Variants in RFFL observed in about 807,000 individuals in gnomAD.
RFFL encodes the protein E3 ubiquitin-protein ligase rififylin.
Under a neutral mutation model 40.4 loss-of-function variants are expected in RFFL, and 16 were observed. The ratio of observed to expected loss-of-function variants is 0.40; its 90% confidence interval spans 0.27 to 0.60. The LOEUF (loss-of-function observed/expected upper bound fraction) is 0.60. Among genes scored for constraint, RFFL ranks in the 20% least tolerant of loss-of-function variants. RFFL has a pLI of 0.47. For synonymous variants in RFFL, 154 were observed against 167.9 expected, an observed-to-expected ratio of 0.92 and a Z score of 0.64; for missense variants, 367 against 451.7, an observed-to-expected ratio of 0.81 and a Z score of 1.70.
At chr17:35,078,161 T>A (rs976307020) in intron 1 of RFFL, among the ~76,000 whole-genome samples, 2 of 152,206 alleles carry the variant, frequency 1.3e-5, no homozygotes, top group Non-Finnish European at 2.9e-5. Flanking sequence ...GAATCTTTAT[T>A]TTTTACAAGC....
At chr17:35,057,533 T>G (rs1461530383) in intron 1 of RFFL, among the ~76,000 whole-genome samples, 1 of 151,422 alleles carries the variant, frequency 6.6e-6, no homozygotes, top group African/African-American at 2.4e-5. Flanking sequence ...GCTTACCAGG[T>G]ATTTGTGAAA....
chr17:35,063,658 T>C lies in RFFL; in HGVS notation c.-91A>G, dbSNP rs769438285. 1.3e-5 allele frequency: 2 copies of C among 152,198 alleles called. No individual in the cohort carries two copies. Among genetic ancestry groups the C allele is most frequent in the African/African-American group, 2.4e-5 (1 of 41,410 alleles). The allele number at this position is 152,198 out of a possible 1,614,324, so 9.4% of individuals were successfully genotyped here. ...TGTGGCTGAGGTCGCTGGAGCCATGTTCAGATGAGATCATCTCAGGAACCA... is the reference window on the plus strand; with the variant it reads ...TGTGGCTGAGGTCGCTGGAGCCATGCTCAGATGAGATCATCTCAGGAACCA... On this transcript the variant is annotated 5_prime_UTR_variant, in exon 1 of 7. Transcript: ENST00000394597.
chr17:35,019,827 A>G (rs1169447311), intron 3 of RFFL, among the ~76,000 whole-genome samples: 2 of 152,250 alleles, frequency 1.3e-5, no homozygotes, highest in East Asian at 3.8e-4. Flanking sequence ...AAAGAATTAA[A>G]GTCCAGCTGC....
At chr17:35,052,405 A>T (rs2091236874) in intron 1 of RFFL, among the ~76,000 whole-genome samples, 1 of 152,236 alleles carries the variant, frequency 6.6e-6, no homozygotes, top group Non-Finnish European at 1.5e-5. Flanking sequence ...GGGGGAACTC[A>T]AGCCACAAAA....
chr17:35,074,448 C>T (rs1319001930), intron 1 of RFFL: 1 of 152,194 alleles, frequency 6.6e-6, no homozygotes, highest in Non-Finnish European at 1.5e-5. Context: ...GTTACTTCTG[C>T]AGCCGACATA....
At chr17:35,075,791 TA>T (rs1369484409) in intron 1 of RFFL, among the ~76,000 whole-genome samples, 1 of 152,130 alleles carries the variant, frequency 6.6e-6, no homozygotes, top group Non-Finnish European at 1.5e-5. Flanking sequence ...AAAAGGCTTC[TA>T]AAAAGCAAAC....
At position 35,058,630 on chromosome 17, in the gene RFFL, G is replaced by T. The variant is rs554435173; in HGVS notation, c.-9+4946C>A. ...TACTAAAAATACAAAAATTAGCCAGGCGTGGTGGCAAGCAACTGTAATCCC... is the reference window on the plus strand; with the variant it reads ...TACTAAAAATACAAAAATTAGCCAGTCGTGGTGGCAAGCAACTGTAATCCC... On this transcript the variant is annotated intron_variant, in intron 1 of 6. Coordinates refer to ENST00000394597, the MANE Select transcript of RFFL (RefSeq NM_001017368.2). Among the ~76,000 whole-genome samples the T allele has an allele frequency of 4.1e-3, 621 of 152,138 alleles. 3 individuals are homozygous for T. Among genetic ancestry groups the T allele is most frequent in the African/African-American group, 0.014 (566 of 41,510 alleles).
At position 35,011,807 on chromosome 17, in the gene RFFL, G is replaced by T. The variant is rs922783313; in HGVS notation, c.*161C>A. On this transcript the variant is annotated 3_prime_UTR_variant, in exon 7 of 7. Coordinates refer to ENST00000394597, the MANE Select transcript of RFFL (RefSeq NM_001017368.2). ...TGCCAGCCAAGAGGTACACCCCTGG[G>T]AAGACAGGCATGCTCAGGGGTGACA... The T allele has an allele frequency of 1.5e-5, 10 of 665,748 alleles. No individual in the cohort carries two copies. The highest frequency in any genetic ancestry group is 2.8e-5 in the Admixed American group (1 of 36,022). 41.2% of individuals were successfully genotyped at this position (665,748 alleles called of 1,614,324 possible).
intron 5 of RFFL, 45 bp downstream of exon 5, chr17:35,016,325 A>G (rs2090972767): frequency 6.4e-7 from 1 of 1,550,944 alleles, no homozygotes; most frequent in South Asian, 1.1e-5. Context: ...AGTGACAGCA[A>G]ACACTCCTGA....
Position 35,021,736 on chromosome 17 carries a change from T to C in RFFL, c.226A>G (p.Ser76Gly), listed in dbSNP as rs1273326094. ...AGGCGGGGCCCATTCCCTACTTGGC[T>C]CGAACAGGTCATGCAAAAATTTTTC... ...CKKNFCMTCSSQVGNGPRLCL... is the reference protein window; with the variant it reads ...CKKNFCMTCSGQVGNGPRLCL... The change falls in exon 3 of 7, where the codon AGC (serine) becomes GGC (glycine). Residue 76 changes from serine to glycine, a missense_variant. Coordinates refer to ENST00000394597, the MANE Select transcript of RFFL (RefSeq NM_001017368.2). 1 of 1,614,086 alleles carries C rather than the reference T, an allele frequency of 6.2e-7. No individual in the cohort carries two copies. Among genetic ancestry groups the C allele is most frequent in the African/African-American group, 1.3e-5 (1 of 74,906 alleles).
intron 1 of RFFL, among the ~76,000 whole-genome samples, chr17:35,056,012 C>T (rs1370902466): frequency 6.6e-6 from 1 of 152,024 alleles, no homozygotes; most frequent in East Asian, 1.9e-4. Context: ...CATTCCAGCC[C>T]ACTCCAAAAT....
chr17:35,039,009 C>T (rs900706312), intron 1 of RFFL, among the ~76,000 whole-genome samples: 5 of 151,484 alleles, frequency 3.3e-5, no homozygotes, highest in African/African-American at 1.2e-4. Context: ...CCCAGGCTTA[C>T]GTGATCCTCC....
At chr17:35,052,505 A>ATCT (rs2091237532) in intron 1 of RFFL, among the ~76,000 whole-genome samples, 1 of 152,170 alleles carries the variant, frequency 6.6e-6, no homozygotes, top group African/African-American at 2.4e-5. Context: ...GGTAAAAAAA[A>ATCT]GGGGGTGGTA....
rs530780830 is a variant in RFFL, at chr17:35,052,384, A to T, written c.-9+11192T>A. On this transcript the variant is annotated intron_variant, in intron 1 of 6. Transcript: ENST00000394597. ...TCACCAGTCAATTCCTATGCTGCTC[A>T]TCTGATTCATGGGGGAACTCAAGCC... Among the ~76,000 whole-genome samples the T allele has an allele frequency of 9.2e-5, 14 of 152,332 alleles. 1 individual carries two copies. Among genetic ancestry groups the T allele is most frequent in the African/African-American group, 3.1e-4 (13 of 41,574 alleles).
At chr17:35,027,724 CAAA>C (rs34594614) in intron 1 of RFFL, among the ~76,000 whole-genome samples, 4 of 90,316 alleles carry the variant, frequency 4.4e-5, no homozygotes, top group Non-Finnish European at 4.0e-5. Context: ...AACTCCGTCT[CAAA>C]AAAAAAAAAA....
intron 1 of RFFL, among the ~76,000 whole-genome samples, chr17:35,079,557 TGAA>T (rs2091394480): frequency 6.6e-6 from 1 of 152,202 alleles, no homozygotes; most frequent in Admixed American, 6.5e-5. Flanking sequence ...AAGAATCTGA[TGAA>T]GATCATCTAG....
At position 35,011,683 on chromosome 17, in the gene RFFL, G is replaced by A. The variant is rs1025342031; in HGVS notation, c.*285C>T. On this transcript the variant is annotated 3_prime_UTR_variant, in exon 7 of 7. Transcript: ENST00000394597. The stretch of plus-strand genomic sequence containing the variant: ...GGGAGGAAGACAGGACCCAAGTTCT[G>A]GAAAGTTCTCTGTTCATCAGTTACC... 6.8e-5 allele frequency: 24 copies of A among 355,178 alleles called. 2 individuals are homozygous for A. The highest frequency in any genetic ancestry group is 1.6e-3 in the Middle Eastern group (2 of 1,276). The allele number at this position is 355,178 out of a possible 1,614,324, so 22.0% of individuals were successfully genotyped here.
chr17:35,084,322 G>A (rs751515785), intron 1 of RFFL, among the ~76,000 whole-genome samples: 5 of 152,058 alleles, frequency 3.3e-5, no homozygotes, highest in Non-Finnish European at 7.4e-5. Flanking sequence ...CCTGCTGGAC[G>A]CAGTGGCTCA....
chr17:35,033,515 C>T (rs560018068), intron 1 of RFFL, among the ~76,000 whole-genome samples: 12 of 151,328 alleles, frequency 7.9e-5, no homozygotes, highest in East Asian at 5.8e-4. Flanking sequence ...GCATTTTGAG[C>T]GAAACTCTGT....
Sources: gnomAD v4.1 joint callset for allele counts (sites outside exome capture counted in the v4.1 genomes callset) on GRCh38, gnomAD v4.1.1 for gene constraint, MANE v1.5 for transcripts, NCBI Gene and HGNC (gene_info 2026-07-23, HGNC 2026-07-21) for gene names.